The following RPS6KA5 variants were observed in gnomAD, a reference collection of about 807,000 sequenced individuals.
The protein encoded by RPS6KA5 is ribosomal protein S6 kinase alpha-5.
A neutral mutation model predicts 85.5 loss-of-function variants in RPS6KA5; 27 were observed. The ratio of observed to expected loss-of-function variants is 0.32; its 90% confidence interval spans 0.23 to 0.44. The LOEUF is 0.44. RPS6KA5 is among the 20% of genes least tolerant of loss of function. RPS6KA5 has a pLI of 1.00. For synonymous variants in RPS6KA5, 334 were observed against 348.2 expected, an observed-to-expected ratio of 0.96 and a Z score of 0.46; for missense variants, 811 against 980.9, an observed-to-expected ratio of 0.83 and a Z score of 2.31.
intron 2 of RPS6KA5, among the ~76,000 whole-genome samples, chr14:90,995,179 C>T (rs921754876): frequency 3.3e-5 from 5 of 152,136 alleles, no homozygotes; most frequent in Non-Finnish European, 7.4e-5. Flanking sequence ...GTGCCCGCCA[C>T]AACGCCTGGC....
intron 8 of RPS6KA5, among the ~76,000 whole-genome samples, chr14:90,904,170 C>T (rs1188808126): frequency 2.0e-5 from 3 of 152,062 alleles, no homozygotes; most frequent in Admixed American, 6.5e-5. Flanking sequence ...AGGATGGTCT[C>T]GATCTCCTGA....
At chr14:90,881,942 T>TTGA (rs1853965010) in intron 14 of RPS6KA5, among the ~76,000 whole-genome samples, 1 of 152,234 alleles carries the variant, frequency 6.6e-6, no homozygotes, top group South Asian at 2.1e-4. Context: ...ATGCCAATCT[T>TTGA]TGACCTTTGA....
At chr14:91,025,190 G>A (rs111942752) in intron 1 of RPS6KA5, among the ~76,000 whole-genome samples, 3 of 152,140 alleles carry the variant, frequency 2.0e-5, no homozygotes, top group Admixed American at 6.5e-5. Context: ...GACTACAGGC[G>A]CCTGCCACCA....
rs532873972 is a variant in RPS6KA5 at position 90,960,190 on chromosome 14, T to C, written c.395-12640A>G. On this transcript the variant is annotated intron_variant, in intron 3 of 16. Coordinates refer to ENST00000614987, the MANE Select transcript of RPS6KA5 (RefSeq NM_004755.4). ...TTTTCATTTCAACAAGAGCTCTGAC[T>C]ACCGAGAATGTGCTAAAACTGCATC... Among the ~76,000 whole-genome samples the C allele has an allele frequency of 3.9e-5, 6 of 152,272 alleles. No individual in the cohort carries two copies. The South Asian group carries it at 1.2e-3, about 32-fold the overall frequency.
chr14:90,939,522 G>C (rs987438365), intron 5 of RPS6KA5, among the ~76,000 whole-genome samples: 1 of 152,160 alleles, frequency 6.6e-6, no homozygotes, highest in East Asian at 1.9e-4. Flanking sequence ...AAAGAAAGAG[G>C]TTTAATGGAC....
At chr14:90,986,692 G>C (rs2040069226) in intron 2 of RPS6KA5, among the ~76,000 whole-genome samples, 1 of 152,138 alleles carries the variant, frequency 6.6e-6, no homozygotes, top group Admixed American at 6.5e-5. Context: ...AAGGCCTCAG[G>C]TAGACAGGGG....
chr14:90,898,627 C>G (rs918909699), intron 12 of RPS6KA5, among the ~76,000 whole-genome samples: 14 of 152,190 alleles, frequency 9.2e-5, no homozygotes, highest in African/African-American at 3.4e-4. Flanking sequence ...TTGGTTTGTG[C>G]TCTTGTGCCT....
At chr14:90,959,925 G>C (rs887168565) in intron 3 of RPS6KA5, among the ~76,000 whole-genome samples, 3 of 152,088 alleles carry the variant, frequency 2.0e-5, no homozygotes, top group Non-Finnish European at 4.4e-5. Flanking sequence ...AAACAAACCA[G>C]CAAGTACTGA....
intron 2 of RPS6KA5, among the ~76,000 whole-genome samples, chr14:90,979,124 C>G (rs2039688990): frequency 6.6e-6 from 1 of 152,208 alleles, no homozygotes; most frequent in African/African-American, 2.4e-5. Context: ...TTACAGCTTA[C>G]TAGGTCAACC....
At chr14:90,889,294 CAAAAA>C (rs11450327) in intron 14 of RPS6KA5, among the ~76,000 whole-genome samples, 13 of 71,236 alleles carry the variant, frequency 1.8e-4, no homozygotes, top group Non-Finnish European at 2.9e-4. Flanking sequence ...ACTTTGTCTC[CAAAAA>C]AAAAAAAAAA....
chr14:91,060,164 A>C (rs2043586168), intron 1 of RPS6KA5, 168 bp downstream of exon 1: 2 of 975,332 alleles, frequency 2.1e-6, no homozygotes, highest in Non-Finnish European at 2.4e-6. Context: ...GCGCGCCCCC[A>C]CCTCCCGGGA....
chr14:90,945,009 T>C (rs1294684889), intron 4 of RPS6KA5, among the ~76,000 whole-genome samples: 1 of 151,564 alleles, frequency 6.6e-6, no homozygotes, highest in Non-Finnish European at 1.5e-5. Context: ...TCCAGCAGTT[T>C]GGGAAGCCAA....
At chr14:90,948,714 C>A (rs1005027027) in intron 3 of RPS6KA5, among the ~76,000 whole-genome samples, 7 of 150,748 alleles carry the variant, frequency 4.6e-5, no homozygotes, top group African/African-American at 7.3e-5. Flanking sequence ...AACAAAAAAA[C>A]CCCAAAAAAC....
intron 1 of RPS6KA5, among the ~76,000 whole-genome samples, chr14:91,004,795 G>A (rs2040941543): frequency 6.6e-6 from 1 of 151,682 alleles, no homozygotes; most frequent in East Asian, 2.0e-4. Flanking sequence ...GTGAAACCCC[G>A]TCTCTACTAA....
chr14:91,027,474 GT>G (rs1215027686), intron 1 of RPS6KA5, among the ~76,000 whole-genome samples: 1 of 152,030 alleles, frequency 6.6e-6, no homozygotes, highest in Non-Finnish European at 1.5e-5. Flanking sequence ...TTATGTGTCT[GT>G]TTTTGTAAAA....
intron 1 of RPS6KA5, among the ~76,000 whole-genome samples, chr14:91,023,025 T>C (rs187268894): frequency 8.3e-5 from 12 of 144,564 alleles, no homozygotes; most frequent in Admixed American, 8.0e-4. Context: ...GCGGAGGTTG[T>C]AGTGAGGTGA....
At chr14:90,964,551 A>G (rs1024147323) in intron 3 of RPS6KA5, among the ~76,000 whole-genome samples, 1 of 152,234 alleles carries the variant, frequency 6.6e-6, no homozygotes, top group Non-Finnish European at 1.5e-5. Context: ...ATAGTGCCAC[A>G]AGAAACAACC....
chr14:90,875,075 C>A (rs914351851), intron 15 of RPS6KA5, 126 bp downstream of exon 15: 1 of 900,586 alleles, frequency 1.1e-6, no homozygotes, highest in Admixed American at 2.3e-5. Flanking sequence ...AGAGAGTAGC[C>A]TGGAAGCCTT....
At chr14:91,034,468 T>C (rs2042316798) in intron 1 of RPS6KA5, among the ~76,000 whole-genome samples, 1 of 152,094 alleles carries the variant, frequency 6.6e-6, no homozygotes, top group Non-Finnish European at 1.5e-5. Flanking sequence ...GCTAAAGGAC[T>C]GTAAATGCAC....
Sources: allele counts gnomAD v4.1 joint callset (sites outside exome capture counted in the v4.1 genomes callset), GRCh38; gene constraint gnomAD v4.1.1; transcripts MANE v1.5; gene names NCBI Gene and HGNC (gene_info 2026-07-23, HGNC 2026-07-21).